Variants in LRRFIP1 observed in about 807,000 individuals in gnomAD.
LRRFIP1 encodes the protein leucine-rich repeat flightless-interacting protein 1.
In LRRFIP1, 62 loss-of-function variants were observed where a neutral mutation model predicts 104.4. The observed-to-expected ratio is 0.59, with a 90% CI of 0.48 to 0.73. The LOEUF (loss-of-function observed/expected upper bound fraction) is 0.73. Among genes scored for constraint, LRRFIP1 ranks in the 30% least tolerant of loss-of-function variants. LRRFIP1 has a pLI of 0.00. For synonymous variants in LRRFIP1, 300 were observed against 299.0 expected (o/e 1.00, Z -0.03); for missense variants, 796 against 824.5 (o/e 0.97, Z 0.42).
intron 3 of LRRFIP1, among the ~76,000 whole-genome samples, chr2:237,716,337 A>G (rs2094330684): frequency 6.6e-6 from 1 of 152,256 alleles, no homozygotes; most frequent in Non-Finnish European, 1.5e-5. Flanking sequence ...TTATATTCCA[A>G]GGGAATAACC....
intron 5 of LRRFIP1, among the ~76,000 whole-genome samples, chr2:237,720,029 C>T (rs1461420995): frequency 6.8e-6 from 1 of 147,346 alleles, no homozygotes; most frequent in Non-Finnish European, 1.5e-5. Flanking sequence ...CTCACTGCAA[C>T]CTCCACCTCC....
chr2:237,736,041 G>C (rs947770081), intron 10 of LRRFIP1, among the ~76,000 whole-genome samples: 1 of 152,102 alleles, frequency 6.6e-6, no homozygotes, highest in Non-Finnish European at 1.5e-5. Flanking sequence ...GAAATAGAAA[G>C]GTTTACTAAG....
chr2:237,701,496 C>G (rs919095763), intron 1 of LRRFIP1, among the ~76,000 whole-genome samples: 1 of 152,240 alleles, frequency 6.6e-6, no homozygotes, highest in Non-Finnish European at 1.5e-5. Context: ...TCCTTGTGTC[C>G]TGGTCAATAA....
intron 1 of LRRFIP1, among the ~76,000 whole-genome samples, chr2:237,655,543 C>T (rs1430658514): frequency 2.0e-5 from 3 of 152,310 alleles, no homozygotes; most frequent in Non-Finnish European, 2.9e-5. Context: ...GCTAAGTGAA[C>T]TTCCTGTTGC....
chr2:237,651,534 C>T (rs1002565897), intron 1 of LRRFIP1, among the ~76,000 whole-genome samples: 2 of 152,184 alleles, frequency 1.3e-5, no homozygotes, highest in Non-Finnish European at 2.9e-5. Flanking sequence ...TCCCTCCCTG[C>T]CATGTTGCTG....
At chr2:237,644,285 C>T (rs777475466) in intron 1 of LRRFIP1, among the ~76,000 whole-genome samples, 1 of 152,246 alleles carries the variant, frequency 6.6e-6, no homozygotes, top group Non-Finnish European at 1.5e-5. Context: ...ATGGCACATG[C>T]CCAGGGGCTG....
chr2:237,726,649 G>A (rs562070229), intron 7 of LRRFIP1, among the ~76,000 whole-genome samples: 8 of 152,302 alleles, frequency 5.3e-5, no homozygotes, highest in African/African-American at 1.4e-4. Flanking sequence ...GTCACATGAC[G>A]GAGCTTCTTT....
chr2:237,692,479 A>G, intron 1 of LRRFIP1: 1 of 1,532,648 alleles, frequency 6.5e-7, no homozygotes, highest in Non-Finnish European at 8.8e-7. Flanking sequence ...CGGCCGCTCA[A>G]AGCCGGGAGA....
chr2:237,734,036 T>G (rs1012249133), intron 9 of LRRFIP1, among the ~76,000 whole-genome samples: 5 of 152,224 alleles, frequency 3.3e-5, no homozygotes, highest in African/African-American at 1.2e-4. Flanking sequence ...CACACTGCTC[T>G]GTCTCCAGGA....
chr2:237,741,692 G>A (rs1045034440), intron 11 of LRRFIP1, among the ~76,000 whole-genome samples: 2 of 152,144 alleles, frequency 1.3e-5, no homozygotes, highest in Non-Finnish European at 2.9e-5. Flanking sequence ...GCCGGGTGTA[G>A]TGGCGCATGC....
At chr2:237,757,823 G>A (rs950680387) in intron 17 of LRRFIP1, among the ~76,000 whole-genome samples, 7 of 152,036 alleles carry the variant, frequency 4.6e-5, no homozygotes, top group African/African-American at 1.2e-4. Context: ...GGGCCGGGCC[G>A]GTGGTTGTTG....
intron 1 of LRRFIP1, among the ~76,000 whole-genome samples, chr2:237,670,133 G>A (rs1346391630): frequency 6.6e-6 from 1 of 152,242 alleles, no homozygotes; most frequent in Non-Finnish European, 1.5e-5. Context: ...TTTGCAGAGA[G>A]GAAAACGTCT....
chr2:237,748,542 C>A (rs2058175128), intron 12 of LRRFIP1, 143 bp downstream of exon 12: 1 of 727,430 alleles, frequency 1.4e-6, no homozygotes, highest in Non-Finnish European at 2.3e-6. Flanking sequence ...CCTGGTATCA[C>A]CTTCCCGGAG....
intron 1 of LRRFIP1, among the ~76,000 whole-genome samples, chr2:237,640,629 C>T (rs769552040): frequency 1.3e-5 from 2 of 152,148 alleles, no homozygotes; most frequent in East Asian, 1.9e-4. Flanking sequence ...GGATTAAAAC[C>T]GTCCCCATAT....
At chr2:237,721,583 T>G (rs1161185293) in intron 6 of LRRFIP1, 1 of 152,222 alleles carries the variant, frequency 6.6e-6, no homozygotes, top group Non-Finnish European at 1.5e-5. Flanking sequence ...TAAATAAATC[T>G]CAAAGCAGCC....
chr2:237,769,709 C>T, intron 19 of LRRFIP1: 1 of 504,608 alleles, frequency 2.0e-6, no homozygotes, highest in Non-Finnish European at 3.6e-6. Flanking sequence ...AGCCTGTTTG[C>T]ATGCAGCCGG....
At chr2:237,697,854 C>G (rs2093295168) in intron 1 of LRRFIP1, among the ~76,000 whole-genome samples, 2 of 152,010 alleles carry the variant, frequency 1.3e-5, no homozygotes, top group Admixed American at 1.3e-4. Flanking sequence ...TAGTGGTAGT[C>G]ATGGTTCTTG....
intron 1 of LRRFIP1, among the ~76,000 whole-genome samples, chr2:237,673,214 G>A (rs1312797896): frequency 1.3e-5 from 2 of 152,158 alleles, no homozygotes; most frequent in African/African-American, 2.4e-5. Context: ...CCTTTCCAAG[G>A]CTCTAAGTCA....
chr2:237,736,226 T>C (rs1405280909), intron 10 of LRRFIP1, among the ~76,000 whole-genome samples: 1 of 152,250 alleles, frequency 6.6e-6, no homozygotes, highest in South Asian at 2.1e-4. Flanking sequence ...TTTATGAATA[T>C]TAAATCCAGT....
Sources: allele counts gnomAD v4.1 joint callset (sites outside exome capture counted in the v4.1 genomes callset), GRCh38; gene constraint gnomAD v4.1.1; transcripts MANE v1.5; gene names NCBI Gene and HGNC (gene_info 2026-07-23, HGNC 2026-07-21).